The following NPAS3 variants were observed in gnomAD, a reference collection of about 807,000 sequenced individuals.
The protein encoded by NPAS3 is neuronal PAS domain-containing protein 3.
NPAS3 carries 14 observed loss-of-function variants against 73.1 expected under a neutral mutation model. The observed-to-expected ratio is 0.19, with a 90% CI of 0.13 to 0.30. The LOEUF is 0.30. Ranked by LOEUF, NPAS3 falls within the 10% of genes least tolerant of loss-of-function variation. The probability of loss-of-function intolerance (pLI) is 1.00; values close to 1 mark genes in which losing one functional copy is unlikely to be tolerated. For missense variants in NPAS3, 1,096 were observed against 1,250.0 expected, an observed-to-expected ratio of 0.88 and a Z score of 1.86; for synonymous variants, 620 against 541.5, an observed-to-expected ratio of 1.14 and a Z score of -2.01.
chr14:33,444,102 G>A lies in NPAS3; in HGVS notation c.468+76834G>A, dbSNP rs538197881. ...TTTTGGAATCTTCAAGTCACCTTGAGAGACATTCGATTTAGAATCCCTAGT... is the reference window on the plus strand; with the variant it reads ...TTTTGGAATCTTCAAGTCACCTTGAAAGACATTCGATTTAGAATCCCTAGT... On this transcript the variant is annotated intron_variant, in intron 4 of 11. Transcript: ENST00000356141. Among the ~76,000 whole-genome samples the A allele has an allele frequency of 4.6e-5, 7 of 152,268 alleles. No homozygotes were observed. The East Asian group carries it at 1.4e-3, about 29-fold the overall frequency.
At chr14:33,134,446 G>A (rs1039485598) in intron 2 of NPAS3, among the ~76,000 whole-genome samples, 73 of 152,110 alleles carry the variant, frequency 4.8e-4, no homozygotes, top group African/African-American at 1.6e-3. Flanking sequence ...GAAAAGCACA[G>A]TTTTGTAGGC....
At chr14:33,691,168 C>CT (rs2060227008) in intron 6 of NPAS3, among the ~76,000 whole-genome samples, 1 of 152,176 alleles carries the variant, frequency 6.6e-6, no homozygotes, top group Non-Finnish European at 1.5e-5. Context: ...GAGTTATTCA[C>CT]CAGCAGCTAT....
At chr14:33,431,802 A>G (rs1288820342) in intron 4 of NPAS3, among the ~76,000 whole-genome samples, 1 of 152,028 alleles carries the variant, frequency 6.6e-6, no homozygotes, top group Non-Finnish European at 1.5e-5. Flanking sequence ...AGAACATGAT[A>G]ATCTCTGTGG....
chr14:33,751,810 C>A (rs1371031057), intron 7 of NPAS3, among the ~76,000 whole-genome samples: 2 of 152,070 alleles, frequency 1.3e-5, no homozygotes. Context: ...GTCTGAGTAC[C>A]CAATCCCTTT....
At chr14:33,519,403 T>C (rs1268129427) in intron 4 of NPAS3, among the ~76,000 whole-genome samples, 13 of 152,052 alleles carry the variant, frequency 8.5e-5, no homozygotes, top group African/African-American at 2.7e-4. Context: ...ACTCAAACAT[T>C]AGTTGCCTGC....
At chr14:33,563,047 T>G (rs2055730896) in intron 5 of NPAS3, among the ~76,000 whole-genome samples, 1 of 152,134 alleles carries the variant, frequency 6.6e-6, no homozygotes, top group African/African-American at 2.4e-5. Flanking sequence ...TTCCAAATAG[T>G]TTTGTTAAAT....
At chr14:33,349,910 A>G (rs1487505795) in intron 3 of NPAS3, among the ~76,000 whole-genome samples, 1 of 152,198 alleles carries the variant, frequency 6.6e-6, no homozygotes, top group Admixed American at 6.5e-5. Context: ...CTTCTCTAGC[A>G]GGAGAAGGGC....
intron 3 of NPAS3, among the ~76,000 whole-genome samples, chr14:33,298,207 G>A (rs1184239927): frequency 2.0e-5 from 3 of 152,224 alleles, no homozygotes; most frequent in African/African-American, 4.8e-5. Context: ...GGCTGGAACC[G>A]AGGAGGTGGA....
At chr14:33,278,935 A>G (rs73254990) in intron 3 of NPAS3, among the ~76,000 whole-genome samples, 195 of 152,166 alleles carry the variant, frequency 1.3e-3, no homozygotes, top group African/African-American at 4.4e-3. Flanking sequence ...TAGACATGAA[A>G]AGAATCACAA....
chr14:32,997,088 T>A (rs2038607872), intron 1 of NPAS3, among the ~76,000 whole-genome samples: 1 of 152,046 alleles, frequency 6.6e-6, no homozygotes, highest in African/African-American at 2.4e-5. Context: ...AGACATGGAG[T>A]CAAAGGAGAT....
chr14:33,109,657 T>C (rs1437469546), intron 2 of NPAS3, among the ~76,000 whole-genome samples: 1 of 152,040 alleles, frequency 6.6e-6, no homozygotes, highest in East Asian at 1.9e-4. Flanking sequence ...GTGGTGAGAG[T>C]ATAATGATAA....
chr14:33,684,227 G>GTTTT (rs5807739), intron 6 of NPAS3, among the ~76,000 whole-genome samples: 1 of 148,358 alleles, frequency 6.7e-6, no homozygotes, highest in African/African-American at 2.5e-5. Context: ...TGTGCTGTGG[G>GTTTT]TTTTTTTTTT....
chr14:33,580,751 C>A (rs1334567873), intron 5 of NPAS3, among the ~76,000 whole-genome samples: 1 of 152,128 alleles, frequency 6.6e-6, no homozygotes, highest in East Asian at 1.9e-4. Context: ...AGAACTACCA[C>A]GCTTTGTCTC....
In NPAS3 at chr14:33,684,456, T is replaced by A. The variant is rs1439532446; in HGVS notation, c.733+8071T>A. On this transcript the variant is annotated intron_variant, in intron 6 of 11. Coordinates refer to ENST00000356141, the Ensembl canonical transcript of NPAS3. The stretch of plus-strand genomic sequence containing the variant: ...CCTTCCAAGTAGCTGGGACTCTAGG[T>A]GCACACCACCACACCTAGATAATTA... Among the ~76,000 whole-genome samples, 3 of 151,998 alleles carry A rather than the reference T, an allele frequency of 2.0e-5. No homozygotes were observed. In the South Asian group the frequency reaches 6.2e-4, roughly 32 times the overall value.
At chr14:33,570,629 A>G (rs1174467850) in intron 5 of NPAS3, among the ~76,000 whole-genome samples, 1 of 152,226 alleles carries the variant, frequency 6.6e-6, no homozygotes. Context: ...TGAGCAGACA[A>G]GTAAATCATG....
intron 4 of NPAS3, among the ~76,000 whole-genome samples, chr14:33,535,560 T>A (rs1168307019): frequency 6.6e-6 from 1 of 152,220 alleles, no homozygotes; most frequent in Non-Finnish European, 1.5e-5. Context: ...GTACCTGGGT[T>A]AGTTCCCAAC....
intron 9 of NPAS3, among the ~76,000 whole-genome samples, chr14:33,784,745 A>ATTTATTTTTTT (rs1471526546): frequency 1.6e-4 from 12 of 73,850 alleles, no homozygotes; most frequent in African/African-American, 4.4e-4. Context: ...TTATTTATTT[A>ATTTATTTTTTT]TTTTTTTTTT....
In NPAS3 at chr14:33,579,228, G is replaced by A. The variant is rs1251622123; in HGVS notation, c.558+19018G>A. 2.6e-5 allele frequency among the ~76,000 whole-genome samples: 4 copies of A among 152,316 alleles called. No homozygotes were observed. In the East Asian group the frequency reaches 7.7e-4, roughly 29 times the overall value. The stretch of plus-strand genomic sequence containing the variant: ...GGTTTTATGAAGAAAATGAATTCTA[G>A]GGTATGTCTCAAATATAAGTCTTCT... On this transcript the variant is annotated intron_variant, in intron 5 of 11. Transcript: ENST00000356141.
At chr14:33,531,217 T>C (rs9972272) in intron 4 of NPAS3, among the ~76,000 whole-genome samples, 2,963 of 152,154 alleles carry the variant, frequency 0.019, 95 homozygotes, top group African/African-American at 0.062. Flanking sequence ...TTAAAAATGA[T>C]TTTTAAAACA....
Sources: allele counts gnomAD v4.1 joint callset (sites outside exome capture counted in the v4.1 genomes callset), GRCh38; gene constraint gnomAD v4.1.1; transcripts MANE v1.5; gene names NCBI Gene and HGNC (gene_info 2026-07-23, HGNC 2026-07-21).